The following DKK2 variants were observed in gnomAD, a reference collection of about 807,000 sequenced individuals.
The protein encoded by DKK2 is dickkopf-related protein 2.
A neutral mutation model predicts 28.1 loss-of-function variants in DKK2; 11 were observed. The ratio of observed to expected loss-of-function variants is 0.39; its 90% CI spans 0.25 to 0.65. DKK2 has a LOEUF of 0.65. Ranked by LOEUF, DKK2 falls within the 30% of genes least tolerant of loss-of-function variation. The pLI is 0.47. For synonymous variants in DKK2, 135 were observed against 126.5 expected (o/e 1.07, Z -0.45); for missense variants, 326 against 335.5 (o/e 0.97, Z 0.22).
intron 1 of DKK2, among the ~76,000 whole-genome samples, chr4:107,028,875 A>G (rs891920728): frequency 6.6e-6 from 1 of 152,232 alleles, no homozygotes; most frequent in African/African-American, 2.4e-5. Flanking sequence ...AGATTCAGAA[A>G]GATGAGGACA....
chr4:106,992,066 A>C (rs770520273), intron 1 of DKK2, among the ~76,000 whole-genome samples: 6 of 152,210 alleles, frequency 3.9e-5, no homozygotes, highest in Non-Finnish European at 8.8e-5. Flanking sequence ...TTCTGAGATA[A>C]GCAGTAGGCT....
chr4:106,977,107 T>A (rs182553405), intron 1 of DKK2, among the ~76,000 whole-genome samples: 151 of 152,322 alleles, frequency 9.9e-4, no homozygotes, highest in African/African-American at 3.5e-3. Flanking sequence ...CAGAGAGATC[T>A]GCTGTTAGTC....
intron 1 of DKK2, among the ~76,000 whole-genome samples, chr4:107,031,466 CA>C (rs1375552299): frequency 6.6e-6 from 1 of 151,994 alleles, no homozygotes; most frequent in African/African-American, 2.4e-5. Flanking sequence ...TCAACTCGTT[CA>C]AGCTTCTCTT....
At chr4:106,994,078 A>T (rs1723239558) in intron 1 of DKK2, among the ~76,000 whole-genome samples, 1 of 152,208 alleles carries the variant, frequency 6.6e-6, no homozygotes, top group African/African-American at 2.4e-5. Flanking sequence ...CGGTTTGAAG[A>T]ACCTAAAGAG....
In DKK2 at chr4:107,029,050, A is replaced by G. The variant is rs181788920; in HGVS notation, c.222+6320T>C. On this transcript the variant is annotated intron_variant, in intron 1 of 3. Transcript: ENST00000285311. ...GGGGGCAAGTAGAGGCAGGGATGAAAATAACGTATTGCTATGGTGCCTGCC... is the reference window on the plus strand; with the variant it reads ...GGGGGCAAGTAGAGGCAGGGATGAAGATAACGTATTGCTATGGTGCCTGCC... Among the ~76,000 whole-genome samples the G allele has an allele frequency of 8.9e-4, 135 of 152,274 alleles. 1 individual carries two copies. Among genetic ancestry groups the G allele is most frequent in the Non-Finnish European group, 1.8e-3 (120 of 68,014 alleles).
At chr4:106,929,172 A>C (rs1406420682) in intron 1 of DKK2, among the ~76,000 whole-genome samples, 1 of 152,184 alleles carries the variant, frequency 6.6e-6, no homozygotes, top group African/African-American at 2.4e-5. Flanking sequence ...CCTTTAACGA[A>C]ATCAATAATA....
chr4:106,977,251 T>C (rs908241981), intron 1 of DKK2, among the ~76,000 whole-genome samples: 2 of 152,206 alleles, frequency 1.3e-5, no homozygotes, highest in Middle Eastern at 3.4e-3. Context: ...ATCTTTGTGG[T>C]GTTCTCTGTA....
intron 1 of DKK2, among the ~76,000 whole-genome samples, chr4:107,016,524 T>C (rs1723607733): frequency 6.6e-6 from 1 of 151,984 alleles, no homozygotes; most frequent in Admixed American, 6.6e-5. Context: ...TGTCCTTATA[T>C]ATCCTATTCA....
chr4:106,928,931 G>A (rs1031501832), intron 1 of DKK2, among the ~76,000 whole-genome samples: 6 of 152,094 alleles, frequency 3.9e-5, no homozygotes, highest in Admixed American at 2.0e-4. Flanking sequence ...AGAGAGAGAG[G>A]GATAGAGGGT....
chr4:106,964,498 TAA>T lies in DKK2; in HGVS notation c.223-38551_223-38550del, dbSNP rs565621443. ...AATTTATTGTATTTTTCAAAATAAC[TAA>T]GAGTGGAATTAGAATGTTCCTATCA... On this transcript the variant is annotated intron_variant, in intron 1 of 3. Transcript: ENST00000285311. Among the ~76,000 whole-genome samples the T allele has an allele frequency of 2.3e-3, 351 of 152,246 alleles. 1 individual carries two copies. Among genetic ancestry groups the T allele is most frequent in the African/African-American group, 8.0e-3 (334 of 41,556 alleles).
intron 1 of DKK2, among the ~76,000 whole-genome samples, chr4:107,012,453 G>C (rs1253206435): frequency 6.6e-6 from 1 of 151,328 alleles, no homozygotes; most frequent in African/African-American, 2.4e-5. Context: ...ATAGGATGGA[G>C]ATGTGTTTTG....
intron 1 of DKK2, among the ~76,000 whole-genome samples, chr4:106,965,723 C>G (rs1722770114): frequency 6.8e-6 from 1 of 146,452 alleles, no homozygotes; most frequent in Non-Finnish European, 1.5e-5. Flanking sequence ...TTAGGTATAT[C>G]TCCCAATGCT....
intron 1 of DKK2, among the ~76,000 whole-genome samples, chr4:107,016,479 T>C (rs1293348238): frequency 6.6e-6 from 1 of 151,942 alleles, no homozygotes; most frequent in Non-Finnish European, 1.5e-5. Context: ...ATTTCTCATG[T>C]TTGCATAAAT....
At chr4:107,017,835 T>C (rs1560592771) in intron 1 of DKK2, among the ~76,000 whole-genome samples, 1 of 152,070 alleles carries the variant, frequency 6.6e-6, no homozygotes, top group Non-Finnish European at 1.5e-5. Context: ...TGCCAGTTTT[T>C]CTCATTTTTA....
At chr4:106,963,821 T>C (rs771133532) in intron 1 of DKK2, among the ~76,000 whole-genome samples, 1 of 152,222 alleles carries the variant, frequency 6.6e-6, no homozygotes, top group Admixed American at 6.5e-5. Flanking sequence ...GGGGTACATT[T>C]CTATAGCCAC....
intron 1 of DKK2, among the ~76,000 whole-genome samples, chr4:106,984,515 A>G (rs1425979769): frequency 1.3e-5 from 2 of 152,206 alleles, no homozygotes; most frequent in Non-Finnish European, 2.9e-5. Flanking sequence ...CATGTATCAG[A>G]ATTTCATTTT....
chr4:106,969,204 A>G (rs1039993674), intron 1 of DKK2, among the ~76,000 whole-genome samples: 1 of 150,810 alleles, frequency 6.6e-6, no homozygotes, highest in Non-Finnish European at 1.5e-5. Flanking sequence ...TTTTGCTCAA[A>G]CTTCTCGCCT....
intron 1 of DKK2, among the ~76,000 whole-genome samples, chr4:106,973,465 A>G (rs568575343): frequency 3.9e-5 from 6 of 152,076 alleles, no homozygotes; most frequent in Non-Finnish European, 8.8e-5. Flanking sequence ...TTTGGCTTTG[A>G]TTTGCATTTC....
At chr4:106,947,660 C>CT (rs1724797697) in intron 1 of DKK2, among the ~76,000 whole-genome samples, 1 of 150,554 alleles carries the variant, frequency 6.6e-6, no homozygotes, top group South Asian at 2.1e-4. Context: ...GATTAATTAT[C>CT]TTTTTTCTTT....
Sources: gnomAD v4.1 joint callset for allele counts (sites outside exome capture counted in the v4.1 genomes callset) on GRCh38, gnomAD v4.1.1 for gene constraint, MANE v1.5 for transcripts, NCBI Gene and HGNC (gene_info 2026-07-23, HGNC 2026-07-21) for gene names.